Variants in AGBL4 observed in about 807,000 individuals in gnomAD.
AGBL4 encodes the protein cytosolic carboxypeptidase 6.
A neutral mutation model predicts 66.4 loss-of-function variants in AGBL4; 58 were observed. That is an observed-to-expected ratio of 0.87 (90% CI 0.71 to 1.09). AGBL4 has a LOEUF of 1.09. Among genes scored for constraint, AGBL4 ranks in the 50% least tolerant of loss-of-function variants. The probability of loss-of-function intolerance (pLI) is 0.00; values close to 1 mark genes in which losing one functional copy is unlikely to be tolerated. For missense variants in AGBL4, 579 were observed against 631.0 expected, an observed-to-expected ratio of 0.92 and a Z score of 0.88; for synonymous variants, 234 against 222.9, an observed-to-expected ratio of 1.05 and a Z score of -0.44.
chr1:49,150,378 T>C (rs1279680433), intron 4 of AGBL4, among the ~76,000 whole-genome samples: 1 of 152,182 alleles, frequency 6.6e-6, no homozygotes, highest in African/African-American at 2.4e-5. Context: ...CACAATATAA[T>C]ATTACAAGTG....
chr1:49,517,598 A>G (rs1404946601), intron 3 of AGBL4, among the ~76,000 whole-genome samples: 1 of 151,968 alleles, frequency 6.6e-6, no homozygotes, highest in Non-Finnish European at 1.5e-5. Context: ...AGCGTTCAGA[A>G]GTACTGTCTC....
chr1:48,987,969 C>T (rs1346779731), intron 5 of AGBL4, among the ~76,000 whole-genome samples: 1 of 152,056 alleles, frequency 6.6e-6, no homozygotes. Context: ...TATTTTTCTT[C>T]TCCTCCTGCT....
In AGBL4 at chr1:48,893,835, C is replaced by T. The variant is rs551531306; in HGVS notation, c.595-26605G>A. 1.7e-4 allele frequency among the ~76,000 whole-genome samples: 26 copies of T among 152,262 alleles called. 1 individual carries two copies. The highest frequency in any genetic ancestry group is 2.2e-4 in the Non-Finnish European group (15 of 68,014). ...GCAGAACCCAACCATGCTAACACTA[C>T]GATCTCAGTCTTTCAGCCTCTAGTA... On this transcript the variant is annotated intron_variant, in intron 5 of 13. Transcript: ENST00000371839.
At chr1:49,477,260 A>T (rs1300996111) in intron 3 of AGBL4, among the ~76,000 whole-genome samples, 2 of 152,082 alleles carry the variant, frequency 1.3e-5, no homozygotes, top group African/African-American at 4.8e-5. Flanking sequence ...GACCTTGGGC[A>T]AGACACAGTG....
At chr1:49,501,843 CTCTTT>C (rs1648190027) in intron 3 of AGBL4, among the ~76,000 whole-genome samples, 1 of 151,876 alleles carries the variant, frequency 6.6e-6, no homozygotes, top group Non-Finnish European at 1.5e-5. Context: ...AGTTTAATGT[CTCTTT>C]TAATTTCTTT....
chr1:49,949,716 G>T (rs914838256), intron 1 of AGBL4, among the ~76,000 whole-genome samples: 1 of 151,440 alleles, frequency 6.6e-6, no homozygotes, highest in Non-Finnish European at 1.5e-5. Flanking sequence ...ATGTTGGTGT[G>T]GATGCAGTGA....
chr1:49,468,101 A>T (rs1458564586), intron 3 of AGBL4, among the ~76,000 whole-genome samples: 1 of 151,862 alleles, frequency 6.6e-6, no homozygotes, highest in Non-Finnish European at 1.5e-5. Context: ...AACATAGGTA[A>T]CATAGGTTTG....
intron 4 of AGBL4, among the ~76,000 whole-genome samples, chr1:49,106,479 G>A (rs1252816814): frequency 6.6e-6 from 1 of 152,170 alleles, no homozygotes; most frequent in Admixed American, 6.5e-5. Context: ...TGAATTCCCA[G>A]TGATTCTGCA....
At chr1:48,588,842 GAAGAGAAGAGAAGA>G (rs1644868810) in intron 10 of AGBL4, among the ~76,000 whole-genome samples, 1 of 151,420 alleles carries the variant, frequency 6.6e-6, no homozygotes, top group Non-Finnish European at 1.5e-5. Flanking sequence ...GAAGAGAAGA[GAAGAGAAGAGAAGA>G]GAAGGGAAGA....
At chr1:49,050,297 A>G (rs1336035016) in intron 4 of AGBL4, among the ~76,000 whole-genome samples, 1 of 152,090 alleles carries the variant, frequency 6.6e-6, no homozygotes, top group African/African-American at 2.4e-5. Flanking sequence ...TCATGCATGT[A>G]CACACTCAAC....
chr1:48,856,139 T>G (rs1024408529), intron 6 of AGBL4, among the ~76,000 whole-genome samples: 1 of 152,224 alleles, frequency 6.6e-6, no homozygotes, highest in African/African-American at 2.4e-5. Flanking sequence ...ATAACTGATA[T>G]TTTCATCACT....
chr1:49,591,881 C>T (rs1044009683), intron 3 of AGBL4, among the ~76,000 whole-genome samples: 4 of 152,108 alleles, frequency 2.6e-5, no homozygotes, highest in Admixed American at 2.6e-4. Context: ...AACTGGCTAG[C>T]CATATGCAGA....
intron 5 of AGBL4, among the ~76,000 whole-genome samples, chr1:48,957,139 A>T (rs940425283): frequency 6.6e-6 from 1 of 152,162 alleles, no homozygotes; most frequent in African/African-American, 2.4e-5. Context: ...TGTGTTTATC[A>T]TCATTCCCAT....
chr1:49,294,811 A>G (rs190571849), intron 3 of AGBL4, among the ~76,000 whole-genome samples: 10 of 152,286 alleles, frequency 6.6e-5, no homozygotes, highest in Admixed American at 3.3e-4. Context: ...TTAATCCTCA[A>G]ACTCACATAG....
chr1:49,155,880 T>C (rs951738980), intron 4 of AGBL4, among the ~76,000 whole-genome samples: 8 of 152,204 alleles, frequency 5.3e-5, no homozygotes, highest in African/African-American at 1.9e-4. Flanking sequence ...CAGGGACCTC[T>C]GTACTACATG....
In AGBL4 at chr1:48,628,999, C is replaced by T. The variant is rs553310994; in HGVS notation, c.951+5494G>A. 5.9e-5 allele frequency among the ~76,000 whole-genome samples: 9 copies of T among 152,112 alleles called. No homozygotes were observed. The South Asian group carries it at 1.5e-3, about 25-fold the overall frequency. ...GACTCTGCCCTATTAATCTCTGTAACCCCAGAGATAGCTCAAGAGTCTTGC... is the reference window on the plus strand; with the variant it reads ...GACTCTGCCCTATTAATCTCTGTAATCCCAGAGATAGCTCAAGAGTCTTGC... On this transcript the variant is annotated intron_variant, in intron 9 of 13. Transcript: ENST00000371839.
intron 3 of AGBL4, among the ~76,000 whole-genome samples, chr1:49,311,553 TA>T (rs1443327184): frequency 2.6e-5 from 4 of 151,960 alleles, no homozygotes; most frequent in Non-Finnish European, 5.9e-5. Flanking sequence ...CAAATCCACA[TA>T]ACAAAAATGA....
At chr1:48,719,181 G>A (rs531196678) in intron 6 of AGBL4, among the ~76,000 whole-genome samples, 63 of 152,222 alleles carry the variant, frequency 4.1e-4, no homozygotes, top group Admixed American at 2.7e-3. Context: ...CCCCAAACAC[G>A]TTTGATCTCC....
At chr1:49,996,755 T>C (rs1660395972) in intron 1 of AGBL4, among the ~76,000 whole-genome samples, 1 of 152,182 alleles carries the variant, frequency 6.6e-6, no homozygotes, top group Non-Finnish European at 1.5e-5. Context: ...CCTAGGCACA[T>C]ACTCATCAGG....
Sources: allele counts gnomAD v4.1 joint callset (sites outside exome capture counted in the v4.1 genomes callset), GRCh38; gene constraint gnomAD v4.1.1; transcripts MANE v1.5; gene names NCBI Gene and HGNC (gene_info 2026-07-23, HGNC 2026-07-21).